RABGAP1L: variants seen among roughly 807,000 people sequenced by gnomAD.
RABGAP1L encodes the protein RAB GTPase activating protein 1 like.
A neutral mutation model predicts 137.7 loss-of-function variants in RABGAP1L; 63 were observed. That is an observed-to-expected ratio of 0.46 (90% CI 0.37 to 0.56). The LOEUF (loss-of-function observed/expected upper bound fraction) is 0.56, where lower values mean the gene tolerates loss of function less well. Among genes scored for constraint, RABGAP1L ranks in the 20% least tolerant of loss-of-function variants. The probability of loss-of-function intolerance (pLI) is 0.00; values close to 1 mark genes in which losing one functional copy is unlikely to be tolerated. For synonymous variants in RABGAP1L, 431 were observed against 433.7 expected (o/e 0.99, Z 0.08); for missense variants, 1,095 against 1,244.0 (o/e 0.88, Z 1.80).
At chr1:174,488,555 G>T (rs191152967) in intron 13 of RABGAP1L, among the ~76,000 whole-genome samples, 1 of 152,050 alleles carries the variant, frequency 6.6e-6, no homozygotes, top group Non-Finnish European at 1.5e-5. Context: ...CTTGTACTTG[G>T]ATTTTGATAG....
chr1:174,662,650 T>C lies in RABGAP1L; in HGVS notation c.1825-20872T>C, dbSNP rs139360906. ...CTCAAATGATCTGCCTGCCTTGGCC[T>C]CCCAAAGTGCTGGGATTACAGGCAT... On this transcript the variant is annotated intron_variant, in intron 14 of 25. Transcript: ENST00000681986. Among the ~76,000 whole-genome samples the C allele has an allele frequency of 1.6e-3, 242 of 152,302 alleles. 6 individuals carry two copies. The East Asian group carries it at 0.041, about 26-fold the overall frequency.
At chr1:174,218,786 T>A (rs1669535247) in intron 1 of RABGAP1L, among the ~76,000 whole-genome samples, 1 of 152,178 alleles carries the variant, frequency 6.6e-6, no homozygotes, top group South Asian at 2.1e-4. Context: ...TATCATTTAA[T>A]TATTTCCTCT....
intron 10 of RABGAP1L, among the ~76,000 whole-genome samples, chr1:174,301,465 T>TAACTTTA (rs1677699822): frequency 6.6e-6 from 1 of 151,250 alleles, no homozygotes; most frequent in Admixed American, 6.6e-5. Context: ...CTTTCTGTTG[T>TAACTTTA]GTGGGGCAGC....
intron 13 of RABGAP1L, among the ~76,000 whole-genome samples, chr1:174,564,925 CT>C (rs1667470710): frequency 1.3e-5 from 2 of 150,626 alleles, no homozygotes; most frequent in Admixed American, 6.6e-5. Context: ...CAACTCCCCC[CT>C]GCCCGAAAAA....
intron 4 of RABGAP1L, among the ~76,000 whole-genome samples, chr1:174,238,051 A>G (rs1252379372): frequency 6.6e-6 from 1 of 151,752 alleles, no homozygotes; most frequent in Non-Finnish European, 1.5e-5. Flanking sequence ...CCTTTCTTCC[A>G]GTTGATCGCA....
At chr1:174,740,703 T>C (rs1683321126) in intron 17 of RABGAP1L, among the ~76,000 whole-genome samples, 2 of 152,272 alleles carry the variant, frequency 1.3e-5, no homozygotes, top group East Asian at 1.9e-4. Flanking sequence ...ACCAACAGTG[T>C]ATATGAGTTC....
At chr1:174,728,831 G>A (rs1009523447) in intron 17 of RABGAP1L, among the ~76,000 whole-genome samples, 3 of 152,070 alleles carry the variant, frequency 2.0e-5, no homozygotes, top group African/African-American at 7.2e-5. Flanking sequence ...AGTAGAGACA[G>A]GGTTTCACCA....
chr1:174,975,426 C>A (rs1670563619), intron 21 of RABGAP1L, among the ~76,000 whole-genome samples: 1 of 152,172 alleles, frequency 6.6e-6, no homozygotes, highest in African/African-American at 2.4e-5. Context: ...GAAATATGAT[C>A]TTTTCTTCCT....
chr1:174,780,149 G>GTAT (rs1361598826), intron 18 of RABGAP1L, among the ~76,000 whole-genome samples: 5 of 151,936 alleles, frequency 3.3e-5, no homozygotes, highest in African/African-American at 1.2e-4. Flanking sequence ...ATTTCCCTCA[G>GTAT]TATTACCAGT....
chr1:174,181,457 C>T (rs1180028031), intron 1 of RABGAP1L, among the ~76,000 whole-genome samples: 2 of 151,902 alleles, frequency 1.3e-5, no homozygotes, highest in Admixed American at 6.6e-5. Context: ...CCTGCCTCAG[C>T]CTCCCGAGTA....
chr1:174,571,293 G>A (rs1279051839), intron 13 of RABGAP1L, among the ~76,000 whole-genome samples: 3 of 152,132 alleles, frequency 2.0e-5, no homozygotes, highest in Admixed American at 2.0e-4. Context: ...GGGAGGCAGG[G>A]TTGCAGGGGA....
intron 1 of RABGAP1L, among the ~76,000 whole-genome samples, chr1:174,161,986 G>C (rs943042783): frequency 6.6e-6 from 1 of 151,298 alleles, no homozygotes; most frequent in African/African-American, 2.4e-5. Flanking sequence ...TTGCGCCTCA[G>C]CCTCTCGAAG....
At chr1:174,709,128 A>G (rs1449667233) in intron 17 of RABGAP1L, among the ~76,000 whole-genome samples, 1 of 152,210 alleles carries the variant, frequency 6.6e-6, no homozygotes, top group African/African-American at 2.4e-5. Flanking sequence ...CTCTAGATTC[A>G]TGCTCTCTGG....
chr1:174,653,610 G>A (rs543598632), intron 14 of RABGAP1L, among the ~76,000 whole-genome samples: 1 of 152,282 alleles, frequency 6.6e-6, no homozygotes, highest in South Asian at 2.1e-4. Context: ...TGTCTAACCA[G>A]TCTCAATGAG....
chr1:174,242,953 A>G (rs1671951088), intron 5 of RABGAP1L: 1 of 152,158 alleles, frequency 6.6e-6, no homozygotes, highest in Non-Finnish European at 1.5e-5. Context: ...GAGGGGGGCT[A>G]TTTCTGATCC....
At chr1:174,269,837 A>G (rs1674408596) in intron 7 of RABGAP1L, among the ~76,000 whole-genome samples, 1 of 152,220 alleles carries the variant, frequency 6.6e-6, no homozygotes, top group Non-Finnish European at 1.5e-5. Context: ...CTCCTTGAGA[A>G]AATAGGTGGG....
At chr1:174,590,352 A>AAT (rs1557876439) in intron 13 of RABGAP1L, among the ~76,000 whole-genome samples, 5 of 83,130 alleles carry the variant, frequency 6.0e-5, no homozygotes, top group Non-Finnish European at 6.2e-5. Context: ...TTTTTTATTT[A>AAT]TTTTTTTTTT....
chr1:174,754,895 G>C (rs1210016446), intron 18 of RABGAP1L, among the ~76,000 whole-genome samples: 2 of 152,164 alleles, frequency 1.3e-5, no homozygotes, highest in African/African-American at 4.8e-5. Flanking sequence ...CTTGTGATGA[G>C]GGGACAGAAC....
chr1:174,300,707 A>C (rs1483343505), intron 10 of RABGAP1L, among the ~76,000 whole-genome samples: 1 of 151,882 alleles, frequency 6.6e-6, no homozygotes, highest in African/African-American at 2.4e-5. Flanking sequence ...TCTCTACTAA[A>C]AATACAAAAA....
Sources: gnomAD v4.1 joint callset for allele counts (sites outside exome capture counted in the v4.1 genomes callset) on GRCh38, gnomAD v4.1.1 for gene constraint, MANE v1.5 for transcripts, NCBI Gene and HGNC (gene_info 2026-07-23, HGNC 2026-07-21) for gene names.